Variants in STRN3 observed in about 807,000 individuals in gnomAD.
STRN3 encodes striatin 3, also known as striatin-3.
A neutral mutation model predicts 95.6 loss-of-function variants in STRN3; 29 were observed. That is an observed-to-expected ratio of 0.30 (90% confidence interval 0.23 to 0.41). The LOEUF is 0.41. Ranked by LOEUF, STRN3 falls within the 10% of genes least tolerant of loss-of-function variation. STRN3 has a pLI of 1.00. For missense variants in STRN3, 890 were observed against 972.1 expected (o/e 0.92, Z 1.12); for synonymous variants, 331 against 357.6 (o/e 0.93, Z 0.84).
chr14:31,020,230 G>T (rs1883440828), intron 1 of STRN3, among the ~76,000 whole-genome samples: 1 of 152,214 alleles, frequency 6.6e-6, no homozygotes, highest in Non-Finnish European at 1.5e-5. Flanking sequence ...CAGGCGCAGT[G>T]GCTCATGCCT....
intron 1 of STRN3, among the ~76,000 whole-genome samples, chr14:30,973,138 G>A (rs953291364): frequency 6.6e-6 from 1 of 152,154 alleles, no homozygotes; most frequent in Non-Finnish European, 1.5e-5. Context: ...GTACCCTGGA[G>A]GCGGAGGTTA....
chr14:30,948,135 G>A (rs1485292363), intron 4 of STRN3, among the ~76,000 whole-genome samples: 1 of 152,066 alleles, frequency 6.6e-6, no homozygotes, highest in Non-Finnish European at 1.5e-5. Flanking sequence ...GAATAAACAA[G>A]TAAGAACTCT....
chr14:30,966,198 C>A (rs1880496546), intron 1 of STRN3, among the ~76,000 whole-genome samples: 1 of 150,780 alleles, frequency 6.6e-6, no homozygotes, highest in Non-Finnish European at 1.5e-5. Context: ...GACAGGGGAA[C>A]AACACGGCAG....
rs75883601 is a variant in STRN3, at chr14:30,936,938, A to G, written c.717-314T>C. ...AGTTCTCAAAATAAAACCATCATAAACAAGCAACTGAAACTTGGCCTTTCT... is the reference window on the plus strand; with the variant it reads ...AGTTCTCAAAATAAAACCATCATAAGCAAGCAACTGAAACTTGGCCTTTCT... On this transcript the variant is annotated intron_variant, in intron 5 of 17. Transcript: ENST00000357479. 2.1e-4 allele frequency among the ~76,000 whole-genome samples: 32 copies of G among 152,324 alleles called. No individual in the cohort carries two copies. In the East Asian group the frequency reaches 5.8e-3, roughly 28 times the overall value.
In STRN3 at chr14:30,929,251, T is replaced by C; in HGVS notation, c.1049A>G (p.Lys350Arg). ...TTCCTTCTTGTACTGTTCCTTCAGT[T>C]TACTTATTAGTCCCTGGTCTACATC... ...VWDVDQGLIS[K>R]LKEQYKKERK... The change falls in exon 8 of 18, where the codon AAA becomes AGA. Residue 350 changes from lysine to arginine, a missense_variant. By Grantham distance (26) the Lys-to-Arg change is conservative (BLOSUM62 2). Transcript: ENST00000357479. The C allele has an allele frequency of 6.2e-7, 1 of 1,613,716 alleles. No homozygotes were observed. The highest frequency in any genetic ancestry group is 8.5e-7 in the Non-Finnish European group (1 of 1,179,780).
Position 30,911,994 on chromosome 14 carries a change from C to T in STRN3, c.1550+13G>A, listed in dbSNP as rs367660503. 6.2e-7 allele frequency: 1 copy of T among 1,605,620 alleles called. No homozygotes were observed. On this transcript the variant is annotated intron_variant, in intron 11 of 17. Transcript: ENST00000357479. ...TTGGAAGAAATACACCAGGCTAACA[C>T]TAAAATACTTGCTTTTTGGCAGGAA...
chr14:30,972,878 A>G (rs1218527143), intron 1 of STRN3, among the ~76,000 whole-genome samples: 1 of 152,258 alleles, frequency 6.6e-6, no homozygotes, highest in East Asian at 1.9e-4. Flanking sequence ...AACTTACAGC[A>G]AACAACAGAG....
chr14:30,986,608 ATTT>A (rs1881705430), intron 1 of STRN3, among the ~76,000 whole-genome samples: 1 of 152,218 alleles, frequency 6.6e-6, no homozygotes, highest in Admixed American at 6.5e-5. Flanking sequence ...AGGCCACATC[ATTT>A]TATCCTACTA....
intron 8 of STRN3, among the ~76,000 whole-genome samples, chr14:30,925,228 AG>A (rs766698876): frequency 1.6e-3 from 111 of 67,334 alleles, no homozygotes; most frequent in Admixed American, 4.0e-3. Flanking sequence ...TGCTGGGGGG[AG>A]GGGGCGGGCA....
chr14:31,000,310 A>G (rs1291685791), intron 1 of STRN3, among the ~76,000 whole-genome samples: 1 of 152,138 alleles, frequency 6.6e-6, no homozygotes, highest in East Asian at 1.9e-4. Flanking sequence ...TTAAGCAATA[A>G]TTAGACATCT....
At chr14:30,950,797 G>C in intron 4 of STRN3, 66 bp downstream of exon 4, 1 of 1,420,076 alleles carries the variant, frequency 7.0e-7, no homozygotes, top group African/African-American at 1.4e-5. Context: ...TACTTGTAAA[G>C]TGATTCAGTA....
intron 1 of STRN3, chr14:31,025,259 A>G (rs996759889): frequency 1.3e-5 from 2 of 152,998 alleles, no homozygotes; most frequent in Non-Finnish European, 2.9e-5. Flanking sequence ...TAAGTAAGGA[A>G]TAACTACAGA....
chr14:30,987,493 C>A (rs1207586100), intron 1 of STRN3, among the ~76,000 whole-genome samples: 4 of 151,000 alleles, frequency 2.6e-5, no homozygotes, highest in African/African-American at 9.7e-5. Flanking sequence ...GGTGACAGAG[C>A]GAGACTCCAT....
At chr14:30,911,356 T>G (rs1307451933) in intron 12 of STRN3, among the ~76,000 whole-genome samples, 194 bp from the exon 13 acceptor site, 1 of 141,132 alleles carries the variant, frequency 7.1e-6, no homozygotes, top group African/African-American at 2.7e-5. Flanking sequence ...CAGACTGGAA[T>G]GCAGTGGTGA....
intron 16 of STRN3, among the ~76,000 whole-genome samples, chr14:30,901,543 T>C (rs1896315520): frequency 1.3e-5 from 2 of 152,356 alleles, no homozygotes; most frequent in Middle Eastern, 3.4e-3. Context: ...TGTAACAATG[T>C]TGCAATTAAC....
intron 1 of STRN3, among the ~76,000 whole-genome samples, chr14:30,997,412 AT>A (rs1221096901): frequency 1.3e-5 from 2 of 152,176 alleles, no homozygotes; most frequent in African/African-American, 4.8e-5. Context: ...CTCTGCCTTA[AT>A]CATCCTAGGC....
At chr14:30,957,480 A>G (rs990087166) in intron 1 of STRN3, among the ~76,000 whole-genome samples, 3 of 105,832 alleles carry the variant, frequency 2.8e-5, no homozygotes, top group Non-Finnish European at 6.1e-5. Context: ...GAGAGAGAGA[A>G]AAAAGAAAAT....
intron 4 of STRN3, among the ~76,000 whole-genome samples, chr14:30,950,253 G>A (rs1450883407): frequency 6.6e-6 from 1 of 152,108 alleles, no homozygotes; most frequent in Non-Finnish European, 1.5e-5. Flanking sequence ...ATATTCTAAA[G>A]ATAGTTCTAC....
At chr14:30,951,361 G>A (rs1566453881) in intron 3 of STRN3, among the ~76,000 whole-genome samples, 1 of 151,900 alleles carries the variant, frequency 6.6e-6, no homozygotes, top group African/African-American at 2.4e-5. Flanking sequence ...AGCCTCTCGA[G>A]TAGCTGGGAC....
Sources: allele counts gnomAD v4.1 joint callset (sites outside exome capture counted in the v4.1 genomes callset), GRCh38; gene constraint gnomAD v4.1.1; transcripts MANE v1.5; gene names NCBI Gene and HGNC (gene_info 2026-07-23, HGNC 2026-07-21).